ARFGEF2: variants seen among roughly 807,000 people sequenced by gnomAD.
ARFGEF2 encodes ARF guanine nucleotide exchange factor 2.
Under a neutral mutation model 219.9 loss-of-function variants are expected in ARFGEF2, and 74 were observed. The ratio of observed to expected loss-of-function variants is 0.34; its 90% CI spans 0.28 to 0.41. The LOEUF (loss-of-function observed/expected upper bound fraction) is 0.41, where lower values mean the gene tolerates loss of function less well. Ranked by LOEUF, ARFGEF2 falls within the 10% of genes least tolerant of loss-of-function variation. The probability of loss-of-function intolerance (pLI) is 1.00; values close to 1 mark genes in which losing one functional copy is unlikely to be tolerated. For missense variants in ARFGEF2, 1,743 were observed against 2,218.3 expected (o/e 0.79, Z 4.30); for synonymous variants, 733 against 799.2 (o/e 0.92, Z 1.40).
At chr20:49,006,082 G>C (rs981973853) in intron 26 of ARFGEF2, among the ~76,000 whole-genome samples, 3 of 151,970 alleles carry the variant, frequency 2.0e-5, no homozygotes, top group African/African-American at 7.3e-5. Context: ...GATCACCTGA[G>C]CAGGAGTTCA....
At chr20:48,930,114 A>T (rs186157220) in intron 1 of ARFGEF2, among the ~76,000 whole-genome samples, 1 of 152,362 alleles carries the variant, frequency 6.6e-6, no homozygotes, top group East Asian at 1.9e-4. Flanking sequence ...CGATTTATAA[A>T]GAACAGAAGT....
chr20:49,008,774 C>G (rs1028993003), intron 26 of ARFGEF2, among the ~76,000 whole-genome samples: 3 of 131,112 alleles, frequency 2.3e-5, no homozygotes, highest in South Asian at 2.6e-4. Flanking sequence ...GTGGTGCAAT[C>G]TCGGCTCACT....
At chr20:48,984,623 G>C in intron 14 of ARFGEF2, 106 bp from the exon 15 acceptor site, 2 of 1,416,606 alleles carry the variant, frequency 1.4e-6, no homozygotes, top group South Asian at 1.2e-5. Context: ...GCTTATACGT[G>C]ATGGCATGTT....
At position 49,028,510 on chromosome 20, in the gene ARFGEF2, T is replaced by C. The variant is rs779938105; in HGVS notation, c.4925-20T>C. The C allele has an allele frequency of 1.2e-6, 2 of 1,613,020 alleles. No individual in the cohort carries two copies. The highest frequency in any genetic ancestry group is 2.2e-5 in the South Asian group (2 of 91,064). On this transcript the variant is annotated intron_variant, in intron 36 of 38. Coordinates refer to ENST00000371917, the MANE Select transcript of ARFGEF2 (RefSeq NM_006420.3). ...TTATCTTAGAAATGTGCACTAATTA[T>C]ATGACTGTCTGATCTCTAGGTTTTA...
chr20:48,950,811 A>AAAAAAATATAT (rs1176537072), intron 3 of ARFGEF2, among the ~76,000 whole-genome samples: 1 of 64,482 alleles, frequency 1.6e-5, no homozygotes, highest in Non-Finnish European at 2.6e-5. Context: ...AAAAAAAAAA[A>AAAAAAATATAT]ATATATATAT....
chr20:49,023,573 C>T (rs2091581917), intron 35 of ARFGEF2, among the ~76,000 whole-genome samples: 1 of 147,178 alleles, frequency 6.8e-6, no homozygotes. Context: ...GAGTCTCGCT[C>T]TGTCGCCCAG....
At chr20:48,960,820 G>T (rs191883969) in intron 6 of ARFGEF2, among the ~76,000 whole-genome samples, 1 of 149,368 alleles carries the variant, frequency 6.7e-6, no homozygotes, top group Non-Finnish European at 1.5e-5. Flanking sequence ...GGTGGCTTAT[G>T]CCTGTAATCC....
rs78706444 is a variant in ARFGEF2 at position 48,996,799 on chromosome 20, CT to C, written c.3221+929del. Among the ~76,000 whole-genome samples, 772 of 141,708 alleles carry C rather than the reference CT, an allele frequency of 5.4e-3. 3 individuals are homozygous for C. The highest frequency in any genetic ancestry group is 0.017 in the African/African-American group (654 of 38,932). 93.0% of individuals were successfully genotyped at this position (141,708 alleles called of 152,430 possible). ...GAGAGTTGGCTGAGTTGACAGTTTC[CT>C]TTTTTTTTTTTCTCCCCTCAAAACT... On this transcript the variant is annotated intron_variant, in intron 23 of 38. Transcript: ENST00000371917.
chr20:49,010,177 T>C, intron 26 of ARFGEF2, 55 bp from the exon 27 acceptor site: 1 of 1,579,468 alleles, frequency 6.3e-7, no homozygotes, highest in South Asian at 1.1e-5. Context: ...CTATGTTCAT[T>C]TCTCTTCCCA....
At chr20:48,964,032 C>T (rs1240391927) in intron 7 of ARFGEF2, 134 bp downstream of exon 7, 1 of 781,634 alleles carries the variant, frequency 1.3e-6, no homozygotes, top group South Asian at 1.5e-5. Flanking sequence ...TGAATCTTCC[C>T]ACGTCTGCCC....
chr20:49,005,229 T>A lies in ARFGEF2; in HGVS notation c.3584+8T>A, dbSNP rs1367430442. 3 of 1,613,982 alleles carry A rather than the reference T, an allele frequency of 1.9e-6. No individual in the cohort carries two copies. The highest frequency in any genetic ancestry group is 2.5e-6 in the Non-Finnish European group (3 of 1,180,034). The stretch of plus-strand genomic sequence containing the variant: ...TATTATGAAGAAAAACAGGTATGTG[T>A]TTTGCTCTGGAAGACGCTTGGTCAA... On this transcript the variant is annotated splice_region_variant and intron_variant, in intron 26 of 38. Coordinates refer to ENST00000371917, the MANE Select transcript of ARFGEF2 (RefSeq NM_006420.3).
intron 14 of ARFGEF2, among the ~76,000 whole-genome samples, chr20:48,979,511 C>T (rs2091282789): frequency 6.6e-6 from 1 of 152,046 alleles, no homozygotes; most frequent in African/African-American, 2.4e-5. Flanking sequence ...GGGAGGATTC[C>T]CTCTTTTTCT....
chr20:49,022,503 G>A (rs1252052131), intron 34 of ARFGEF2, among the ~76,000 whole-genome samples: 4 of 152,152 alleles, frequency 2.6e-5, no homozygotes, highest in African/African-American at 9.7e-5. Context: ...ACGTCCTCTG[G>A]TTAGGGCACA....
chr20:48,941,821 A>G, intron 2 of ARFGEF2, 43 bp from the exon 3 acceptor site: 1 of 1,614,070 alleles, frequency 6.2e-7, no homozygotes, highest in Admixed American at 1.7e-5. Flanking sequence ...TAAGGTGTAG[A>G]AAATTCATTT....
chr20:48,993,717 C>T (rs142106392), intron 21 of ARFGEF2, among the ~76,000 whole-genome samples: 2 of 152,198 alleles, frequency 1.3e-5, no homozygotes, highest in African/African-American at 4.8e-5. Context: ...TAGGAGGGCC[C>T]GTGTGCAGAT....
chr20:48,940,103 A>G (rs1453023008), intron 1 of ARFGEF2, among the ~76,000 whole-genome samples: 1 of 152,224 alleles, frequency 6.6e-6, no homozygotes, highest in African/African-American at 2.4e-5. Flanking sequence ...TTTTAATGGT[A>G]CGAAACCTTG....
chr20:49,021,844 CAAA>C (rs71337480), intron 34 of ARFGEF2, among the ~76,000 whole-genome samples: 4 of 110,156 alleles, frequency 3.6e-5, no homozygotes, highest in Non-Finnish European at 5.5e-5. Flanking sequence ...GACTCTGTCT[CAAA>C]AAAAAAAAAA....
At chr20:48,942,901 G>T (rs1325848622) in intron 3 of ARFGEF2, among the ~76,000 whole-genome samples, 2 of 152,122 alleles carry the variant, frequency 1.3e-5, no homozygotes, top group Non-Finnish European at 2.9e-5. Context: ...TCTATTTAAA[G>T]AGACTATCTA....
At position 49,032,170 on chromosome 20, in the gene ARFGEF2, T is replaced by C. The variant is rs1568748715; in HGVS notation, c.5181+4T>C. 1.2e-6 allele frequency: 2 copies of C among 1,606,096 alleles called. No homozygotes were observed. Among genetic ancestry groups the C allele is most frequent in the Non-Finnish European group, 1.7e-6 (2 of 1,172,950 alleles). On this transcript the variant is annotated splice_donor_region_variant and intron_variant, in intron 38 of 38. Coordinates refer to ENST00000371917, the MANE Select transcript of ARFGEF2 (RefSeq NM_006420.3). ...CCTCAAAATAAATGATGAAAAGGTA[T>C]GAACAAGTAAACTCTGACCAATTTT...
Sources: gnomAD v4.1 joint callset for allele counts (sites outside exome capture counted in the v4.1 genomes callset) on GRCh38, gnomAD v4.1.1 for gene constraint, MANE v1.5 for transcripts, NCBI Gene and HGNC (gene_info 2026-07-23, HGNC 2026-07-21) for gene names.